SAMMSON: variants seen among roughly 807,000 people sequenced by gnomAD.
SAMMSON encodes long intergenic non-protein coding RNA 1212.
chr3:70,276,804 G>T (rs994154495), intron 6 of SAMMSON, among the ~76,000 whole-genome samples: 3 of 152,126 alleles, frequency 2.0e-5, no homozygotes, highest in Non-Finnish European at 4.4e-5. Flanking sequence ...GGCCCACTAA[G>T]CCAGAAATAT....
intron 8 of SAMMSON, among the ~76,000 whole-genome samples, chr3:70,355,216 T>G (rs1052214128): frequency 6.6e-6 from 1 of 152,102 alleles, no homozygotes; most frequent in Non-Finnish European, 1.5e-5. Flanking sequence ...CAGCATCCCA[T>G]GCAACCAATC....
At chr3:70,314,966 T>A (rs1702485396) in intron 7 of SAMMSON, among the ~76,000 whole-genome samples, 1 of 152,124 alleles carries the variant, frequency 6.6e-6, no homozygotes, top group Non-Finnish European at 1.5e-5. Flanking sequence ...GCTTAAATCC[T>A]TGTCTGAATT....
chr3:70,056,466 G>A (rs2067168071), intron 3 of SAMMSON, among the ~76,000 whole-genome samples: 2 of 151,346 alleles, frequency 1.3e-5, no homozygotes. Flanking sequence ...TTCTAGTTTT[G>A]TTTTCTTTTT....
rs571397690 is a variant in SAMMSON at position 70,085,433 on chromosome 3, C to G, written n.507+13868C>G. 2.2e-4 allele frequency among the ~76,000 whole-genome samples: 34 copies of G among 152,198 alleles called. No homozygotes were observed. In the South Asian group the frequency reaches 6.0e-3, roughly 27 times the overall value. On this transcript the variant is annotated intron_variant and non_coding_transcript_variant, in intron 4 of 9. Coordinates refer to ENST00000642114, the Ensembl canonical transcript of SAMMSON. ...GTAGGGAAGCCAGTCCAGTAAGGCT[C>G]GAACATTTGTAAGTTTTAAGACACC...
At chr3:70,087,828 A>C (rs2067291377) in intron 4 of SAMMSON, among the ~76,000 whole-genome samples, 1 of 152,222 alleles carries the variant, frequency 6.6e-6, no homozygotes, top group African/African-American at 2.4e-5. Context: ...AAAAGAAGGC[A>C]GTGTGCTTAT....
chr3:70,173,684 G>A (rs1700980360), intron 4 of SAMMSON, among the ~76,000 whole-genome samples: 1 of 151,802 alleles, frequency 6.6e-6, no homozygotes, highest in East Asian at 1.9e-4. Flanking sequence ...GAGCCAAAAT[G>A]ACAAAAATAA....
At chr3:70,007,615 GTTTT>G (rs960158585) in intron 1 of SAMMSON, among the ~76,000 whole-genome samples, 4 of 148,328 alleles carry the variant, frequency 2.7e-5, no homozygotes, top group African/African-American at 9.9e-5. Context: ...TCTGATTGTA[GTTTT>G]TTTTTTGCTG....
chr3:70,424,025 A>G (rs557332763), intron 2 of SAMMSON, among the ~76,000 whole-genome samples: 1 of 152,302 alleles, frequency 6.6e-6, no homozygotes, highest in African/African-American at 2.4e-5. Flanking sequence ...AGTAGCAATC[A>G]TTTTTTATCA....
intron 4 of SAMMSON, among the ~76,000 whole-genome samples, chr3:70,187,839 A>T (rs1267990063): frequency 6.6e-6 from 1 of 151,992 alleles, no homozygotes; most frequent in Non-Finnish European, 1.5e-5. Flanking sequence ...TTTCTGGGCA[A>T]AGGCAACTCT....
At chr3:70,083,026 G>A (rs181942686) in intron 4 of SAMMSON, among the ~76,000 whole-genome samples, 1 of 152,256 alleles carries the variant, frequency 6.6e-6, no homozygotes, top group East Asian at 1.9e-4. Flanking sequence ...TTTTAAAGTG[G>A]TCCCCAGGAA....
chr3:70,174,651 G>T (rs1425274150), intron 4 of SAMMSON, among the ~76,000 whole-genome samples: 2 of 151,970 alleles, frequency 1.3e-5, no homozygotes, highest in Non-Finnish European at 2.9e-5. Context: ...TTTTTCTACA[G>T]AATTTAGTTT....
chr3:70,227,208 A>C (rs1187014217), intron 4 of SAMMSON, among the ~76,000 whole-genome samples: 1 of 152,222 alleles, frequency 6.6e-6, no homozygotes, highest in Non-Finnish European at 1.5e-5. Context: ...TGAATTAGAA[A>C]GGAAATAGAC....
chr3:70,398,870 A>G (rs1375501243), intron 2 of SAMMSON, among the ~76,000 whole-genome samples: 1 of 152,250 alleles, frequency 6.6e-6, no homozygotes, highest in Non-Finnish European at 1.5e-5. Context: ...AATTATGAGC[A>G]TGTGACAAAA....
rs78375189 is a variant in SAMMSON, at chr3:70,147,626, T to C, written n.507+76061T>C. Among the ~76,000 whole-genome samples, 187 of 152,206 alleles carry C rather than the reference T, an allele frequency of 1.2e-3. 5 individuals carry two copies. In the East Asian group the frequency reaches 0.032, roughly 26 times the overall value. ...ATATGCAAGAAAATAAACCTTGACC[T>C]AATCTCATACCTTATATAAACATTA... On this transcript the variant is annotated intron_variant and non_coding_transcript_variant, in intron 4 of 9. Coordinates refer to ENST00000642114, the Ensembl canonical transcript of SAMMSON.
intron 3 of SAMMSON, chr3:70,069,979 T>A (rs959307912): frequency 1.3e-5 from 2 of 151,998 alleles, no homozygotes; most frequent in Admixed American, 1.3e-4. Context: ...CTGATCTGAG[T>A]CAATTGAAGG....
chr3:70,337,177 T>A (rs7432701), intron 7 of SAMMSON, among the ~76,000 whole-genome samples: 10 of 126,214 alleles, frequency 7.9e-5, no homozygotes, highest in East Asian at 2.3e-4. Context: ...TAATATAATA[T>A]TAATAATATG....
chr3:70,035,442 A>T (rs2067081778), intron 3 of SAMMSON, among the ~76,000 whole-genome samples: 1 of 152,162 alleles, frequency 6.6e-6, no homozygotes, highest in South Asian at 2.1e-4. Flanking sequence ...TACACCGGCA[A>T]AGTCCCTTCA....
At chr3:70,391,311 G>T (rs1410410452), downstream of SAMMSON, among the ~76,000 whole-genome samples, 1 of 152,108 alleles carries the variant, frequency 6.6e-6, no homozygotes, top group Non-Finnish European at 1.5e-5. Context: ...TCAAATGATT[G>T]GAGTAAATAT....
intron 4 of SAMMSON, among the ~76,000 whole-genome samples, chr3:70,199,014 C>A (rs1039432069): frequency 6.6e-6 from 1 of 152,180 alleles, no homozygotes; most frequent in Admixed American, 6.5e-5. Flanking sequence ...GCAGTGGCTG[C>A]ACTGGCAAAG....
Sources: gnomAD v4.1 joint callset for allele counts (sites outside exome capture counted in the v4.1 genomes callset) on GRCh38, gnomAD v4.1.1 for gene constraint, MANE v1.5 for transcripts, NCBI Gene and HGNC (gene_info 2026-07-23, HGNC 2026-07-21) for gene names.